SPTAN1: variants seen among roughly 807,000 people sequenced by gnomAD.
SPTAN1 encodes the protein spectrin alpha chain, non-erythrocytic 1.
In SPTAN1, 61 loss-of-function variants were observed where a neutral mutation model predicts 331.3. The ratio of observed to expected loss-of-function variants is 0.18; its 90% CI spans 0.15 to 0.23. The LOEUF (loss-of-function observed/expected upper bound fraction) is 0.23. Ranked by LOEUF, SPTAN1 falls within the 10% of genes least tolerant of loss-of-function variation. The pLI is 1.00. For synonymous variants in SPTAN1, 1,153 were observed against 1,173.9 expected (o/e 0.98, Z 0.36); for missense variants, 2,043 against 3,147.9 (o/e 0.65, Z 8.40).
At chr9:128,584,963 C>G in intron 18 of SPTAN1, 120 bp downstream of exon 18, 1 of 1,154,956 alleles carries the variant, frequency 8.7e-7, no homozygotes, top group South Asian at 1.3e-5. Context: ...CATCCCCATT[C>G]TTTCCTAACT....
chr9:128,625,191 C>T lies in SPTAN1; in HGVS notation c.6069+12C>T. ...TCCTCACCAAACAGGTCTGCCCTGG[C>T]CCCTTCACTGGTTGAAATGTATGCA... is the stretch of plus-strand genomic sequence containing the variant. On this transcript the variant is annotated intron_variant, in intron 47 of 56. Coordinates refer to ENST00000372739, the MANE Select transcript of SPTAN1 (RefSeq NM_001130438.3). This position sits in a 1 kb window ranked among gnomAD's most constrained non-coding sequence, Gnocchi z 4.1. 6.2e-7 allele frequency: 1 copy of T among 1,613,780 alleles called. No homozygotes were observed. The highest frequency in any genetic ancestry group is 8.5e-7 in the Non-Finnish European group (1 of 1,179,702).
In SPTAN1 at chr9:128,633,450, A is replaced by G; in HGVS notation, c.*116A>G. On this transcript the variant is annotated 3_prime_UTR_variant, in exon 57 of 57. Transcript: ENST00000372739. ...ACCTTAAGCCTGCTTAGCTTGGAAT[A>G]AGACTTAGGAGAAAATGGTGCTTCA... 2.6e-6 allele frequency: 4 copies of G among 1,550,584 alleles called. No individual in the cohort carries two copies. Among genetic ancestry groups the G allele is most frequent in the Non-Finnish European group, 3.5e-6 (4 of 1,134,964 alleles).
At chr9:128,579,566 A>G in intron 9 of SPTAN1, 71 bp from the exon 10 acceptor site, 1 of 1,252,136 alleles carries the variant, frequency 8.0e-7, no homozygotes, top group Non-Finnish European at 1.2e-6. Context: ...TGCTTATGTA[A>G]AATTCAGCAC....
In SPTAN1 at chr9:128,625,010, C is replaced by T; in HGVS notation, c.5993-93C>T. ...TTAGGAAGATTGGGATTTATCTGTACACAAAAAATGGTTTGTCTGGGTTTT... is the reference window on the plus strand; with the variant it reads ...TTAGGAAGATTGGGATTTATCTGTATACAAAAAATGGTTTGTCTGGGTTTT... On this transcript the variant is annotated intron_variant, in intron 46 of 56. Coordinates refer to ENST00000372739, the MANE Select transcript of SPTAN1 (RefSeq NM_001130438.3). The surrounding 1 kb of genome is among the most constrained non-coding windows in gnomAD (Gnocchi z 4.1). The T allele has an allele frequency of 8.2e-7, 1 of 1,225,812 alleles. No homozygotes were observed. Among genetic ancestry groups the T allele is most frequent in the South Asian group, 1.2e-5 (1 of 82,408 alleles). 75.9% of individuals were successfully genotyped at this position (1,225,812 alleles called of 1,614,324 possible).
At chr9:128,609,443 T>A (rs1856321353) in intron 36 of SPTAN1, 159 bp downstream of exon 36, 1 of 1,217,240 alleles carries the variant, frequency 8.2e-7, no homozygotes, top group Non-Finnish European at 1.2e-6. Context: ...TAGTCAAGTT[T>A]CAGAGCCATT....
At chr9:128,579,295 G>A (rs752604075) in intron 9 of SPTAN1, among the ~76,000 whole-genome samples, 8 of 152,112 alleles carry the variant, frequency 5.3e-5, no homozygotes, top group Non-Finnish European at 1.0e-4. Context: ...GGAGGGACTC[G>A]CCCTACCAGG....
chr9:128,599,685 TAAAAAA>T lies in SPTAN1; in HGVS notation c.3544-379_3544-374del, dbSNP rs5900811. The T allele has an allele frequency of 7.2e-5, 9 of 124,320 alleles. No homozygotes were observed. The South Asian group carries it at 8.5e-4, about 12-fold the overall frequency. 7.7% of individuals were successfully genotyped at this position (124,320 alleles called of 1,614,324 possible). On this transcript the variant is annotated intron_variant, in intron 26 of 56. Transcript: ENST00000372739. ...AGGCATGCAACACAAAGCACAGCTC[TAAAAAA>T]AAAAAAAAAAAAAAAGTCTTCTGTC...
Position 128,576,890 on chromosome 9 carries a change from T to A in SPTAN1, c.719T>A (p.Leu240Gln). 6.2e-7 allele frequency: 1 copy of A among 1,614,166 alleles called. No individual in the cohort carries two copies. The highest frequency in any genetic ancestry group is 8.5e-7 in the Non-Finnish European group (1 of 1,180,046). ...GAAGTCAATGCAGCCTGGCAGCGGC[T>A]GAAGGGCCTGGCTCTGCAGAGGCAG... Reference protein sequence around the residue: ...QDEVNAAWQRLKGLALQRQGK... With the variant: ...QDEVNAAWQRQKGLALQRQGK... The change falls in exon 6 of 57, where the codon CTG (leucine) becomes CAG (glutamine). Residue 240 changes from leucine (L) to glutamine (Q), a missense_variant. Physicochemically the swap from Leu to Gln is moderately radical, Grantham distance 113. Transcript: ENST00000372739.
At chr9:128,572,012 A>G (rs1200915552) in intron 3 of SPTAN1, among the ~76,000 whole-genome samples, 2 of 152,138 alleles carry the variant, frequency 1.3e-5, no homozygotes, top group Admixed American at 6.5e-5. Flanking sequence ...ACGCACAAGC[A>G]CACTGAGCTA....
rs752934340 is a variant in SPTAN1 at position 128,579,806 on chromosome 9, A to G, written c.1323+68A>G. On this transcript the variant is annotated intron_variant, in intron 10 of 56. Transcript: ENST00000372739. ...TTTCACTAAGTCTCTGAAAGCTATT[A>G]TTCATCCTTAAATATCCAGAGAACG... is the stretch of plus-strand genomic sequence containing the variant. 4.5e-4 allele frequency: 560 copies of G among 1,257,522 alleles called. 1 individual carries two copies. Among genetic ancestry groups the G allele is most frequent in the Non-Finnish European group, 5.3e-4 (461 of 870,248 alleles). 77.9% of individuals were successfully genotyped at this position (1,257,522 alleles called of 1,614,324 possible). A position where few individuals can be genotyped will look rare whatever the true frequency, so the allele number is the denominator to read the frequency against.
At position 128,566,796 on chromosome 9, in the gene SPTAN1, G is replaced by A; in HGVS notation, c.56G>A (p.Arg19Gln). Reference sequence around the variant, plus strand: ...ACAGCAGAGGACATCCAGGAGAGGCGGCAGCAGGTCCTAGACCGATACCAC... The same window carrying A: ...ACAGCAGAGGACATCCAGGAGAGGCAGCAGCAGGTCCTAGACCGATACCAC... ...LETAEDIQERRQQVLDRYHRF... is the reference protein window; with the variant it reads ...LETAEDIQERQQQVLDRYHRF... The change falls in exon 2 of 57, where the codon CGG (arginine) becomes CAG (glutamine). Residue 19 changes from arginine to glutamine, a missense_variant. Transcript: ENST00000372739. The A allele has an allele frequency of 1.2e-6, 2 of 1,614,184 alleles. No individual in the cohort carries two copies. Among genetic ancestry groups the A allele is most frequent in the Non-Finnish European group, 1.7e-6 (2 of 1,180,036 alleles).
At chr9:128,628,962 C>G (rs947326205) in intron 51 of SPTAN1, 2 of 392,368 alleles carry the variant, frequency 5.1e-6, no homozygotes, top group Non-Finnish European at 9.0e-6. Flanking sequence ...CTAGTGTGAG[C>G]TGCCTGGGGT....
chr9:128,570,445 C>T (rs1474034074), intron 3 of SPTAN1, among the ~76,000 whole-genome samples: 1 of 149,686 alleles, frequency 6.7e-6, no homozygotes, highest in Admixed American at 6.7e-5. Context: ...TCAAGCAATT[C>T]TCCTGCCTCA....
Position 128,632,605 on chromosome 9 carries a change from C to T in SPTAN1, c.7047C>T (p.Asn2349=), listed in dbSNP as rs1193889894. 6.2e-7 allele frequency: 1 copy of T among 1,614,090 alleles called. No homozygotes were observed. The highest frequency in any genetic ancestry group is 8.5e-7 in the Non-Finnish European group (1 of 1,180,048). The change falls in exon 55 of 57, where the codon AAC becomes AAT. Residue 2349 remains asparagine, a synonymous_variant. Transcript: ENST00000372739. Reference sequence around the variant, plus strand: ...ACAAGGACAAGTCTGGCAGGCTGAACCATCAGGAGTTCAAATCTTGCCTGC... The same window carrying T: ...ACAAGGACAAGTCTGGCAGGCTGAATCATCAGGAGTTCAAATCTTGCCTGC... ...HFDKDKSGRL[N]HQEFKSCLRS...
At chr9:128,602,852 T>C (rs1000095719) in intron 27 of SPTAN1, among the ~76,000 whole-genome samples, 2 of 151,802 alleles carry the variant, frequency 1.3e-5, no homozygotes, top group African/African-American at 4.8e-5. Context: ...GTCAGGCTGG[T>C]CTCAAACTCC....
chr9:128,613,625 T>C (rs1856803825), intron 40 of SPTAN1, 140 bp downstream of exon 40: 2 of 708,326 alleles, frequency 2.8e-6, no homozygotes, highest in Non-Finnish European at 5.1e-6. Flanking sequence ...GGCCTCAGGA[T>C]CATTATACAC....
intron 34 of SPTAN1, 53 bp downstream of exon 34, chr9:128,608,329 T>G: frequency 6.2e-7 from 1 of 1,611,064 alleles, no homozygotes; most frequent in Non-Finnish European, 8.5e-7. Context: ...GATTGACATC[T>G]GTTTCTTGGC....
At chr9:128,626,011 C>T (rs937628263) in intron 48 of SPTAN1, 33 bp downstream of exon 48, 2 of 1,610,908 alleles carry the variant, frequency 1.2e-6, no homozygotes, top group Middle Eastern at 1.8e-4. Flanking sequence ...CTTAGCTGGC[C>T]CACAGCTCAA....
intron 1 of SPTAN1, among the ~76,000 whole-genome samples, chr9:128,559,245 G>A (rs1849002213): frequency 6.6e-6 from 1 of 152,180 alleles, no homozygotes; most frequent in South Asian, 2.1e-4. Context: ...GGGTGACAAA[G>A]AGGGCCTTTT....
Sources: allele counts gnomAD v4.1 joint callset (sites outside exome capture counted in the v4.1 genomes callset), GRCh38; gene constraint gnomAD v4.1.1; non-coding constraint Gnocchi (gnomAD v3.1); transcripts MANE v1.5; gene names NCBI Gene and HGNC (gene_info 2026-07-23, HGNC 2026-07-21).